The following CTNNA2 variants were observed in gnomAD, a reference collection of about 807,000 sequenced individuals.
CTNNA2 encodes the protein catenin alpha 2, also known as catenin alpha-2.
A neutral mutation model predicts 101.0 loss-of-function variants in CTNNA2; 42 were observed. The observed-to-expected ratio is 0.42, with a 90% CI of 0.32 to 0.54. The LOEUF (loss-of-function observed/expected upper bound fraction) is 0.54. Ranked by LOEUF, CTNNA2 falls within the 20% of genes least tolerant of loss-of-function variation. CTNNA2 has a pLI of 0.14. For missense variants in CTNNA2, 871 were observed against 1,223.1 expected (o/e 0.71, Z 4.29); for synonymous variants, 450 against 456.4 (o/e 0.99, Z 0.18).
At chr2:79,220,461 C>T (rs1006206459) in intron 2 of CTNNA2, among the ~76,000 whole-genome samples, 13 of 152,074 alleles carry the variant, frequency 8.5e-5, no homozygotes, top group South Asian at 8.3e-4. Flanking sequence ...TCCAGGAAGC[C>T]TCAGGCCTCC....
chr2:80,466,009 A>T (rs1684822819), intron 9 of CTNNA2, among the ~76,000 whole-genome samples: 1 of 152,170 alleles, frequency 6.6e-6, no homozygotes, highest in Non-Finnish European at 1.5e-5. Flanking sequence ...AGTTATCTGC[A>T]ACTCTTCTGC....
chr2:79,809,445 G>A (rs1229034102), intron 3 of CTNNA2, among the ~76,000 whole-genome samples: 1 of 152,178 alleles, frequency 6.6e-6, no homozygotes, highest in Non-Finnish European at 1.5e-5. Context: ...ATCCGCTCCA[G>A]CATCTGTTGT....
At chr2:80,296,516 C>T (rs745459345) in intron 7 of CTNNA2, among the ~76,000 whole-genome samples, 1 of 152,120 alleles carries the variant, frequency 6.6e-6, no homozygotes, top group Non-Finnish European at 1.5e-5. Context: ...TTAACTTTTG[C>T]TGATTATCAG....
At position 79,967,436 on chromosome 2, in the gene CTNNA2, A is replaced by C. The variant is rs145809967; in HGVS notation, c.1056+57639A>C. Among the ~76,000 whole-genome samples, 50 of 152,214 alleles carry C rather than the reference A, an allele frequency of 3.3e-4. No homozygotes were observed. The East Asian group carries it at 6.6e-3, about 20-fold the overall frequency. ...CTAGCCCAACAAGTTTCACCTCCTC[A>C]ACTAATGCAAGGGATTCTAATGTGT... On this transcript the variant is annotated intron_variant, in intron 7 of 18. Coordinates refer to ENST00000402739, the MANE Select transcript of CTNNA2 (RefSeq NM_001282597.3).
intron 1 of CTNNA2, among the ~76,000 whole-genome samples, chr2:79,621,118 G>A (rs924528979): frequency 6.6e-6 from 1 of 152,144 alleles, no homozygotes; most frequent in African/African-American, 2.4e-5. Flanking sequence ...GTGTCTCCCT[G>A]TGGGATGATG....
chr2:79,559,790 G>A (rs1490536239), intron 1 of CTNNA2, among the ~76,000 whole-genome samples: 1 of 151,812 alleles, frequency 6.6e-6, no homozygotes, highest in East Asian at 1.9e-4. Flanking sequence ...TATTATAAAG[G>A]AGGTTATAAT....
chr2:80,340,246 G>A (rs775435427), intron 7 of CTNNA2, among the ~76,000 whole-genome samples: 2 of 152,124 alleles, frequency 1.3e-5, no homozygotes. Context: ...TGCAAGCCTG[G>A]TTCTACAATG....
intron 1 of CTNNA2, among the ~76,000 whole-genome samples, chr2:79,540,954 G>A (rs377391192): frequency 2.6e-5 from 4 of 152,090 alleles, no homozygotes; most frequent in African/African-American, 9.7e-5. Context: ...TATCGGATTG[G>A]TGTGATTAAA....
At chr2:79,305,351 T>TACATATATACATATATATAC (rs1676212991) in intron 2 of CTNNA2, among the ~76,000 whole-genome samples, 1 of 140,770 alleles carries the variant, frequency 7.1e-6, no homozygotes, top group Non-Finnish European at 1.5e-5. Context: ...TACATACATA[T>TACATATATACATATATATAC]ACATATATAC....
chr2:79,780,601 C>A (rs17017866), intron 3 of CTNNA2, among the ~76,000 whole-genome samples: 9,649 of 152,212 alleles, frequency 0.063, 534 homozygotes, highest in South Asian at 0.19. Flanking sequence ...TGTGAACCAC[C>A]ATTTAGTCTA....
chr2:80,615,148 C>T (rs1219372362), intron 17 of CTNNA2, among the ~76,000 whole-genome samples: 2 of 151,458 alleles, frequency 1.3e-5, no homozygotes, highest in Non-Finnish European at 3.0e-5. Context: ...ATTGATTTTA[C>T]ACATCTTTCC....
intron 7 of CTNNA2, among the ~76,000 whole-genome samples, chr2:80,363,695 T>C (rs1207442849): frequency 1.3e-5 from 2 of 152,168 alleles, no homozygotes; most frequent in Non-Finnish European, 2.9e-5. Context: ...CAATAAATAA[T>C]GTGGCTAGTA....
intron 2 of CTNNA2, among the ~76,000 whole-genome samples, chr2:79,706,108 T>C (rs1029382632): frequency 6.6e-6 from 1 of 152,004 alleles, no homozygotes; most frequent in African/African-American, 2.4e-5. Context: ...CTTATACCTG[T>C]AATCCCAGCA....
chr2:80,027,158 G>A (rs1049413289), intron 7 of CTNNA2, among the ~76,000 whole-genome samples: 36 of 152,280 alleles, frequency 2.4e-4, no homozygotes, highest in Admixed American at 2.2e-3. Flanking sequence ...ATGCAGTGCC[G>A]CTCTGAGAAG....
chr2:79,703,399 T>A (rs534247217), intron 2 of CTNNA2, among the ~76,000 whole-genome samples: 1 of 152,200 alleles, frequency 6.6e-6, no homozygotes. Flanking sequence ...CTCTTAAGTG[T>A]TAGCATTTCT....
chr2:79,927,838 C>T (rs1256367451), intron 7 of CTNNA2, among the ~76,000 whole-genome samples: 1 of 152,062 alleles, frequency 6.6e-6, no homozygotes, highest in Admixed American at 6.6e-5. Flanking sequence ...TGCAGTTCTG[C>T]TGAGGCCTGG....
intron 7 of CTNNA2, among the ~76,000 whole-genome samples, chr2:79,912,305 C>T (rs1330454478): frequency 6.6e-6 from 1 of 152,186 alleles, no homozygotes; most frequent in Non-Finnish European, 1.5e-5. Context: ...CAGAGGGAGA[C>T]AGAGGTTGTG....
chr2:79,922,347 A>T, intron 7 of CTNNA2, among the ~76,000 whole-genome samples: 1 of 152,140 alleles, frequency 6.6e-6, no homozygotes, highest in Admixed American at 6.6e-5. Flanking sequence ...TTGTCTGCAC[A>T]CTTGGGTGTT....
intron 4 of CTNNA2, among the ~76,000 whole-genome samples, chr2:79,416,527 CA>C (rs1678484759): frequency 6.6e-6 from 1 of 151,988 alleles, no homozygotes; most frequent in Non-Finnish European, 1.5e-5. Context: ...AAGCATTGGG[CA>C]AAACCCCACA....
Sources: allele counts gnomAD v4.1 joint callset (sites outside exome capture counted in the v4.1 genomes callset), GRCh38; gene constraint gnomAD v4.1.1; transcripts MANE v1.5; gene names NCBI Gene and HGNC (gene_info 2026-07-23, HGNC 2026-07-21).